The following HNMT variants were observed in gnomAD, a reference collection of about 807,000 sequenced individuals.
HNMT encodes histamine N-methyltransferase.
In HNMT, 30 loss-of-function variants were observed where a neutral mutation model predicts 32.1. The observed-to-expected ratio is 0.93, with a 90% confidence interval of 0.70 to 1.27. The LOEUF (loss-of-function observed/expected upper bound fraction) is 1.27. Ranked by LOEUF, HNMT falls within the 50% of genes most tolerant of loss-of-function variation. The pLI, the probability that HNMT is intolerant of heterozygous loss-of-function variation, is 0.00. For missense variants in HNMT, 327 were observed against 346.0 expected (o/e 0.95, Z 0.43); for synonymous variants, 125 against 119.0 (o/e 1.05, Z -0.33).
At chr2:138,006,881 CAAAA>C (rs1681345377) in intron 5 of HNMT, among the ~76,000 whole-genome samples, 1 of 151,676 alleles carries the variant, frequency 6.6e-6, no homozygotes, top group Non-Finnish European at 1.5e-5. Flanking sequence ...TAAAAAAAAT[CAAAA>C]GAAAGGGAGT....
intron 5 of HNMT, among the ~76,000 whole-genome samples, chr2:138,007,039 A>G (rs1230354959): frequency 6.6e-6 from 1 of 152,158 alleles, no homozygotes; most frequent in East Asian, 1.9e-4. Flanking sequence ...AGCACAGGAG[A>G]CAGCTGTTCC....
chr2:138,001,751 T>TATC lies in HNMT; in HGVS notation c.299-312_299-310dup, dbSNP rs113871453. Among the ~76,000 whole-genome samples the TATC allele has an allele frequency of 1.0e-2, 1,519 of 152,248 alleles. 29 individuals carry two copies. Among genetic ancestry groups the TATC allele is most frequent in the African/African-American group, 0.035 (1,464 of 41,552 alleles). On this transcript the variant is annotated intron_variant, in intron 3 of 5. Coordinates refer to ENST00000280097, the MANE Select transcript of HNMT (RefSeq NM_006895.3). The stretch of plus-strand genomic sequence containing the variant: ...TGTCTTCTCCTGAATTATACAAACA[T>TATC]ATCTGTTTCCAATTCACTTTCCATT...
chr2:137,985,677 T>C (rs1318581236), intron 2 of HNMT, among the ~76,000 whole-genome samples: 2 of 152,196 alleles, frequency 1.3e-5, no homozygotes, highest in African/African-American at 2.4e-5. Context: ...CTAGTGCACT[T>C]GCCCAGAACA....
chr2:137,992,930 G>C (rs192902542), intron 2 of HNMT, among the ~76,000 whole-genome samples: 45 of 152,136 alleles, frequency 3.0e-4, no homozygotes, highest in African/African-American at 1.1e-3. Context: ...CCAGCAAACT[G>C]CAGCAGCCCT....
At chr2:138,003,655 T>G (rs1247640050) in intron 4 of HNMT, among the ~76,000 whole-genome samples, 2 of 151,986 alleles carry the variant, frequency 1.3e-5, no homozygotes, top group African/African-American at 4.8e-5. Flanking sequence ...TCCTTACCAC[T>G]CCTGCAATCT....
At chr2:138,010,126 T>A (rs1422083066) in intron 5 of HNMT, among the ~76,000 whole-genome samples, 3 of 151,990 alleles carry the variant, frequency 2.0e-5, no homozygotes, top group African/African-American at 7.2e-5. Flanking sequence ...CCATAGCTGC[T>A]CTCCAATGCA....
intron 2 of HNMT, among the ~76,000 whole-genome samples, chr2:137,990,755 T>C (rs541201846): frequency 9.4e-4 from 143 of 152,254 alleles, no homozygotes; most frequent in African/African-American, 3.2e-3. Context: ...ACTCAAACTT[T>C]TTCCTCTGCT....
chr2:137,977,969 G>C (rs1344163836), intron 2 of HNMT, among the ~76,000 whole-genome samples: 1 of 152,028 alleles, frequency 6.6e-6, no homozygotes, highest in Non-Finnish European at 1.5e-5. Context: ...GGCCTTGCCA[G>C]TCCAGGAGGG....
intron 2 of HNMT, among the ~76,000 whole-genome samples, chr2:137,986,563 C>T (rs1033497326): frequency 6.6e-6 from 1 of 152,152 alleles, no homozygotes; most frequent in Non-Finnish European, 1.5e-5. Flanking sequence ...ACATTAATCT[C>T]ATCCAAAAAT....
At chr2:137,979,149 A>G (rs1002940590) in intron 2 of HNMT, among the ~76,000 whole-genome samples, 52 of 147,612 alleles carry the variant, frequency 3.5e-4, no homozygotes, top group African/African-American at 1.3e-3. Context: ...TTTATGTTAT[A>G]TAAGACAAAC....
intron 2 of HNMT, among the ~76,000 whole-genome samples, chr2:137,999,029 A>ATTT (rs1479101746): frequency 6.6e-6 from 1 of 152,146 alleles, no homozygotes; most frequent in East Asian, 1.9e-4. Flanking sequence ...GAAGAATAAA[A>ATTT]GGCTTTTCAT....
At chr2:138,003,186 T>C (rs1247475687) in intron 4 of HNMT, among the ~76,000 whole-genome samples, 1 of 151,026 alleles carries the variant, frequency 6.6e-6, no homozygotes, top group Non-Finnish European at 1.5e-5. Flanking sequence ...TATACATATG[T>C]AACTAACCTG....
chr2:138,014,920 G>A lies in HNMT; in HGVS notation c.*790G>A, dbSNP rs924001086. 3 of 151,936 alleles carry A rather than the reference G, an allele frequency of 2.0e-5. No homozygotes were observed. Among genetic ancestry groups the A allele is most frequent in the Admixed American group, 6.6e-5 (1 of 15,258 alleles). The allele number at this position is 151,936 out of a possible 1,614,324, so 9.4% of individuals were successfully genotyped here. On this transcript the variant is annotated 3_prime_UTR_variant, in exon 6 of 6. Transcript: ENST00000280097. ...TTTGAAATTTAGATAAGTATAAACA[G>A]TGAGAACAAACTGTTTCCCCTCAAA...
chr2:138,010,439 A>ACACG (rs796106807), intron 5 of HNMT, among the ~76,000 whole-genome samples: 6 of 95,942 alleles, frequency 6.3e-5, no homozygotes, highest in Admixed American at 1.3e-4. Flanking sequence ...AAAAAGACAC[A>ACACG]CGCACACACA....
intron 2 of HNMT, among the ~76,000 whole-genome samples, chr2:137,985,116 T>G (rs1680612926): frequency 6.6e-6 from 1 of 151,882 alleles, no homozygotes; most frequent in Non-Finnish European, 1.5e-5. Flanking sequence ...ACATGACACG[T>G]AAGACTCTCA....
intron 5 of HNMT, among the ~76,000 whole-genome samples, chr2:138,007,788 T>C (rs755434408): frequency 9.2e-5 from 14 of 151,948 alleles, no homozygotes; most frequent in Non-Finnish European, 1.9e-4. Flanking sequence ...TTTTGACAGA[T>C]TTTGGGACCT....
At chr2:137,973,911 T>C (rs1286184403) in intron 2 of HNMT, among the ~76,000 whole-genome samples, 2 of 152,030 alleles carry the variant, frequency 1.3e-5, no homozygotes, top group African/African-American at 2.4e-5. Context: ...TAAGAGAGAT[T>C]GTGAGGTTTT....
intron 2 of HNMT, among the ~76,000 whole-genome samples, chr2:137,991,178 G>C (rs1338310154): frequency 6.6e-6 from 1 of 152,184 alleles, no homozygotes; most frequent in Admixed American, 6.5e-5. Context: ...TTCATGCTCT[G>C]CCTGGATATG....
chr2:137,978,605 T>TAG, intron 2 of HNMT, among the ~76,000 whole-genome samples: 1 of 132,562 alleles, frequency 7.5e-6, no homozygotes, highest in Admixed American at 8.2e-5. Flanking sequence ...ATACATATGA[T>TAG]ATAATATAGT....
Sources: allele counts gnomAD v4.1 joint callset (sites outside exome capture counted in the v4.1 genomes callset), GRCh38; gene constraint gnomAD v4.1.1; transcripts MANE v1.5; gene names NCBI Gene and HGNC (gene_info 2026-07-23, HGNC 2026-07-21).